The following ETV2 variants were observed in gnomAD, a reference collection of about 807,000 sequenced individuals.
The protein encoded by ETV2 is ETS variant transcription factor 2.
ETV2 carries 34 observed loss-of-function variants against 35.7 expected under a neutral mutation model. The observed-to-expected ratio is 0.95, with a 90% confidence interval of 0.72 to 1.27. The LOEUF (loss-of-function observed/expected upper bound fraction) is 1.27, where lower values mean the gene tolerates loss of function less well. Ranked by LOEUF, ETV2 falls within the 50% of genes most tolerant of loss-of-function variation. The pLI, the probability that ETV2 is intolerant of heterozygous loss-of-function variation, is 0.00. For missense variants in ETV2, 512 were observed against 470.5 expected (o/e 1.09, Z -0.82); for synonymous variants, 207 against 203.9 (o/e 1.02, Z -0.13).
Position 35,642,568 on chromosome 19 carries a change from G to A in ETV2, c.70+38G>A. 1 of 1,613,626 alleles carries A rather than the reference G, an allele frequency of 6.2e-7. No individual in the cohort carries two copies. The highest frequency in any genetic ancestry group is 1.1e-5 in the South Asian group (1 of 91,016). ...GGCTGCCACAACGTGTGTGGGGAGG[G>A]TGTCCAGGTGGGGCCTCTGCTGACC... On this transcript the variant is annotated intron_variant, in intron 2 of 6. Coordinates refer to ENST00000402764, the MANE Select transcript of ETV2 (RefSeq NM_014209.4). The surrounding 1 kb of genome is among the most constrained non-coding windows in gnomAD (Gnocchi z 4.4).
At position 35,643,624 on chromosome 19, in the gene ETV2, C is replaced by T. The variant is rs1423351114; in HGVS notation, c.586C>T (p.Pro196Ser). The T allele has an allele frequency of 5.6e-6, 9 of 1,612,704 alleles. No homozygotes were observed. The highest frequency in any genetic ancestry group is 7.6e-6 in the Non-Finnish European group (9 of 1,179,464). ...CCCGGACTGTACCACCTCCTGGAACCCGGGGCTGCATGCGGGTGGCACCAC... is the reference window on the plus strand; with the variant it reads ...CCCGGACTGTACCACCTCCTGGAACTCGGGGCTGCATGCGGGTGGCACCAC... Reference protein sequence around the residue: ...AGPDCTTSWNPGLHAGGTTSL... With the variant: ...AGPDCTTSWNSGLHAGGTTSL... The change falls in exon 5 of 7, where the codon CCG becomes TCG. Residue 196 changes from proline (P) to serine (S), a missense_variant. Coordinates refer to ENST00000402764, the MANE Select transcript of ETV2 (RefSeq NM_014209.4). The surrounding 1 kb of genome is among the most constrained non-coding windows in gnomAD (Gnocchi z 5.0).
rs796097254 is a variant in ETV2, at chr19:35,643,055, G to A, written c.235+10G>A. The A allele has an allele frequency of 7.8e-6, 12 of 1,539,596 alleles. No homozygotes were observed. Among genetic ancestry groups the A allele is most frequent in the East Asian group, 7.1e-5 (3 of 42,072 alleles). ...GTTCCATGGGGGGCGGGTGAGTGTG[G>A]GGAGAGGCGGTGGGAGGTGGGGACT... On this transcript the variant is annotated intron_variant, in intron 4 of 6. Coordinates refer to ENST00000402764, the MANE Select transcript of ETV2 (RefSeq NM_014209.4). This position sits in a 1 kb window ranked among gnomAD's most constrained non-coding sequence, Gnocchi z 5.0.
Position 35,642,479 on chromosome 19 carries a change from G to T in ETV2, c.19G>T (p.Asp7Tyr). 2 of 1,606,502 alleles carry T rather than the reference G, an allele frequency of 1.2e-6. No homozygotes were observed. The highest frequency in any genetic ancestry group is 1.7e-6 in the Non-Finnish European group (2 of 1,175,754). MDLWNW[D>Y]EASPQEVPPG... ...CGCATCCATGGACCTGTGGAACTGG[G>T]ATGAGGCATCCCCACAGGAAGTGCC... Residue 7 changes from aspartate to tyrosine, a missense_variant, in exon 2 of 7, where the codon GAT becomes TAT. Asp to Tyr is a radical substitution (Grantham distance 160, BLOSUM62 -3). Coordinates refer to ENST00000402764, the MANE Select transcript of ETV2 (RefSeq NM_014209.4). This position sits in a 1 kb window ranked among gnomAD's most constrained non-coding sequence, Gnocchi z 4.4.
Position 35,644,123 on chromosome 19 carries a change from T to G in ETV2, c.716-112T>G. The G allele has an allele frequency of 1.3e-6, 1 of 748,012 alleles. No individual in the cohort carries two copies. Among genetic ancestry groups the G allele is most frequent in the Non-Finnish European group, 2.3e-6 (1 of 427,276 alleles). 46.3% of individuals were successfully genotyped at this position (748,012 alleles called of 1,614,324 possible). A position where few individuals can be genotyped will look rare whatever the true frequency, so the allele number is the denominator to read the frequency against. On this transcript the variant is annotated intron_variant, in intron 5 of 6. Coordinates refer to ENST00000402764, the MANE Select transcript of ETV2 (RefSeq NM_014209.4). The surrounding 1 kb of genome is among the most constrained non-coding windows in gnomAD (Gnocchi z 4.7). Reference sequence around the variant, plus strand: ...TGGATCTCAGAGAAGGGGGGGCGGATCCCCTTCTCGGGTCCTGGGTCCCGA... The same window carrying G: ...TGGATCTCAGAGAAGGGGGGGCGGAGCCCCTTCTCGGGTCCTGGGTCCCGA...
rs1174156196 is a variant in ETV2, at chr19:35,643,948, A to AG, written c.715+198dup. Among the ~76,000 whole-genome samples the AG allele has an allele frequency of 6.6e-6, 1 of 152,160 alleles. No homozygotes were observed. Among genetic ancestry groups the AG allele is most frequent in the African/African-American group, 2.4e-5 (1 of 41,444 alleles). ...AGGGCTAAGAAACTGGTAGTCTTAT[A>AG]GGGACCAAGGGGATGAGGACCCAGG... On this transcript the variant is annotated intron_variant, in intron 5 of 6. Transcript: ENST00000402764. The surrounding 1 kb of genome is among the most constrained non-coding windows in gnomAD (Gnocchi z 5.0).
chr19:35,643,601 C>T lies in ETV2; in HGVS notation c.563C>T (p.Pro188Leu), dbSNP rs1256892037. ...ATTTCGTGGGGCGGGCCCGCGGGCCCGGACTGTACCACCTCCTGGAACCCG... is the reference window on the plus strand; with the variant it reads ...ATTTCGTGGGGCGGGCCCGCGGGCCTGGACTGTACCACCTCCTGGAACCCG... ...CTISWGGPAG[P>L]DCTTSWNPGL... The change falls in exon 5 of 7, where the codon CCG (proline) becomes CTG (leucine). Residue 188 changes from proline to leucine, a missense_variant. Transcript: ENST00000402764. The surrounding 1 kb of genome is among the most constrained non-coding windows in gnomAD (Gnocchi z 5.0). The T allele has an allele frequency of 1.2e-6, 2 of 1,603,816 alleles. No homozygotes were observed. Among genetic ancestry groups the T allele is most frequent in the Non-Finnish European group, 1.7e-6 (2 of 1,175,712 alleles).
In ETV2 at chr19:35,644,816, C is replaced by G; in HGVS notation, c.993C>G (p.Asp331Glu). 1 of 1,611,508 alleles carries G rather than the reference C, an allele frequency of 6.2e-7. No individual in the cohort carries two copies. Among genetic ancestry groups the G allele is most frequent in the Non-Finnish European group, 8.5e-7 (1 of 1,178,874 alleles). The change falls in exon 7 of 7, where the codon GAC becomes GAG. Residue 331 changes from aspartate to glutamate, a missense_variant. Asp to Glu is a conservative substitution (Grantham distance 45). Transcript: ENST00000402764. This position sits in a 1 kb window ranked among gnomAD's most constrained non-coding sequence, Gnocchi z 4.7. ...GCGTGCCCAGCCTAGCCTATCCGGACTGTGCGGGAGGCGGACGGGGAGCAG... is the reference window on the plus strand; with the variant it reads ...GCGTGCCCAGCCTAGCCTATCCGGAGTGTGCGGGAGGCGGACGGGGAGCAG... ...GGRVPSLAYP[D>E]CAGGGRGAET...
Position 35,643,481 on chromosome 19 carries a change from C to T in ETV2, c.443C>T (p.Ala148Val). The change falls in exon 5 of 7, where the codon GCC (alanine) becomes GTC (valine). Residue 148 changes from alanine (A) to valine (V), a missense_variant. Ala to Val is a moderately conservative substitution (Grantham distance 64). Coordinates refer to ENST00000402764, the MANE Select transcript of ETV2 (RefSeq NM_014209.4). The surrounding 1 kb of genome is among the most constrained non-coding windows in gnomAD (Gnocchi z 5.0). ...EATSWSRAQA[A>V]GSNTSWDCSV... is the part of the protein sequence containing the mutation. ...ACCTCGTGGTCGCGCGCCCAGGCCG[C>T]CGGGAGCAACACCAGCTGGGACTGT... 6.5e-7 allele frequency: 1 copy of T among 1,548,316 alleles called. No individual in the cohort carries two copies. The highest frequency in any genetic ancestry group is 8.7e-7 in the Non-Finnish European group (1 of 1,146,114).
rs534103733 is a variant in ETV2 at position 35,642,086 on chromosome 19, C to A, written c.-98C>A. 23 of 163,762 alleles carry A rather than the reference C, an allele frequency of 1.4e-4. No individual in the cohort carries two copies. Among genetic ancestry groups the A allele is most frequent in the African/African-American group, 5.5e-4 (23 of 41,762 alleles). The allele number at this position is 163,762 out of a possible 1,614,324, so 10.1% of individuals were successfully genotyped here. On this transcript the variant is annotated 5_prime_UTR_variant, in exon 1 of 7. Transcript: ENST00000402764. The surrounding 1 kb of genome is among the most constrained non-coding windows in gnomAD (Gnocchi z 4.4). Reference sequence around the variant, plus strand: ...CGGAAAATTCCCCCTTGCCCAGGCCCTTGGGGGAGGGGGTGCATGGTATGA... The same window carrying A: ...CGGAAAATTCCCCCTTGCCCAGGCCATTGGGGGAGGGGGTGCATGGTATGA...
rs1233026789 is a variant in ETV2, at chr19:35,643,804, G to A, written c.715+51G>A. The A allele has an allele frequency of 5.0e-6, 8 of 1,608,798 alleles. No homozygotes were observed. Among genetic ancestry groups the A allele is most frequent in the South Asian group, 1.1e-5 (1 of 90,836 alleles). On this transcript the variant is annotated intron_variant, in intron 5 of 6. Transcript: ENST00000402764. The surrounding 1 kb of genome is among the most constrained non-coding windows in gnomAD (Gnocchi z 5.0). ...GAGGGCGAAGCTGGAGTCCTGAGCC[G>A]GGACCCAGGCACCTAAGGGGGCGGG...
At position 35,643,538 on chromosome 19, in the gene ETV2, G is replaced by A. The variant is rs904253227; in HGVS notation, c.500G>A (p.Gly167Asp). Residue 167 changes from glycine to aspartate, a missense_variant, in exon 5 of 7, where the codon GGC (glycine) becomes GAC (aspartate). Transcript: ENST00000402764. This position sits in a 1 kb window ranked among gnomAD's most constrained non-coding sequence, Gnocchi z 5.0. Reference sequence around the variant, plus strand: ...GGGCCCGACGGCGATACCTACTGGGGCAGTGGCCTGGGCGGGGAGCCGCGC... The same window carrying A: ...GGGCCCGACGGCGATACCTACTGGGACAGTGGCCTGGGCGGGGAGCCGCGC... ...SVGPDGDTYWGSGLGGEPRTD... is the reference protein window; with the variant it reads ...SVGPDGDTYWDSGLGGEPRTD... 1 of 1,552,652 alleles carries A rather than the reference G, an allele frequency of 6.4e-7. No individual in the cohort carries two copies. Among genetic ancestry groups the A allele is most frequent in the Non-Finnish European group, 8.7e-7 (1 of 1,148,000 alleles).
Position 35,642,440 on chromosome 19 carries a change from C to A in ETV2, c.-21C>A. On this transcript the variant is annotated 5_prime_UTR_variant, in exon 2 of 7. Coordinates refer to ENST00000402764, the MANE Select transcript of ETV2 (RefSeq NM_014209.4). The surrounding 1 kb of genome is among the most constrained non-coding windows in gnomAD (Gnocchi z 4.4). ...TGGACTTTTCCCGACCCAGAACATT[C>A]AGAAGGCCTTCATCGCATCCATGGA... is the stretch of plus-strand genomic sequence containing the variant. 1 of 1,524,106 alleles carries A rather than the reference C, an allele frequency of 6.6e-7. No homozygotes were observed. The highest frequency in any genetic ancestry group is 1.2e-5 in the South Asian group (1 of 82,856). 94.4% of individuals were successfully genotyped at this position (1,524,106 alleles called of 1,614,324 possible). A position where few individuals can be genotyped will look rare whatever the true frequency, so the allele number is the denominator to read the frequency against.
In ETV2 at chr19:35,643,532, AC is replaced by A. The variant is rs1158467310; in HGVS notation, c.495del (p.Trp166GlyfsTer41). ...TCTGTGGGGCCCGACGGCGATACCT[AC>A]TGGGGCAGTGGCCTGGGCGGGGAGC... ...DCSVGPDGDT[Y>X]WGSGLGGEPR... On this transcript the variant is annotated frameshift_variant, in exon 5 of 7. Transcript: ENST00000402764. LOFTEE classifies it high-confidence loss of function. The surrounding 1 kb of genome is among the most constrained non-coding windows in gnomAD (Gnocchi z 5.0). The A allele has an allele frequency of 1.3e-5, 20 of 1,551,450 alleles. No homozygotes were observed. Among genetic ancestry groups the A allele is most frequent in the Non-Finnish European group, 1.6e-5 (18 of 1,147,454 alleles).
rs762084669 is a variant in ETV2 at position 35,643,632 on chromosome 19, G to C, written c.594G>C (p.Leu198=). ...GTACCACCTCCTGGAACCCGGGGCT[G>C]CATGCGGGTGGCACCACCTCTTTGA... The part of the protein sequence containing the change: ...PDCTTSWNPG[L]HAGGTTSLKR... Residue 198 remains leucine (L), a synonymous_variant, in exon 5 of 7, where the codon CTG becomes CTC. Transcript: ENST00000402764. The surrounding 1 kb of genome is among the most constrained non-coding windows in gnomAD (Gnocchi z 5.0). 4 of 1,613,310 alleles carry C rather than the reference G, an allele frequency of 2.5e-6. No homozygotes were observed. In the African/African-American group the frequency reaches 5.3e-5, roughly 22 times the overall value.
At position 35,643,392 on chromosome 19, in the gene ETV2, C is replaced by T. The variant is rs1967667265; in HGVS notation, c.354C>T (p.Pro118=). 6.5e-7 allele frequency: 1 copy of T among 1,549,674 alleles called. No individual in the cohort carries two copies. Among genetic ancestry groups the T allele is most frequent in the Admixed American group, 2.0e-5 (1 of 50,532 alleles). The change falls in exon 5 of 7, where the codon CCC becomes CCT. Residue 118 remains proline, a synonymous_variant. Coordinates refer to ENST00000402764, the MANE Select transcript of ETV2 (RefSeq NM_014209.4). The surrounding 1 kb of genome is among the most constrained non-coding windows in gnomAD (Gnocchi z 5.0). ...GCCCCGCCCCTCTCGGCCCGGGCCCCATCCCCGCCGCCGGCTCCGAAGGCG... is the reference window on the plus strand; with the variant it reads ...GCCCCGCCCCTCTCGGCCCGGGCCCTATCCCCGCCGCCGGCTCCGAAGGCG... The part of the protein sequence containing the change: ...TLGPAPLGPG[P]IPAAGSEGAA...
chr19:35,642,799 G>A lies in ETV2; in HGVS notation c.154+101G>A. On this transcript the variant is annotated intron_variant, in intron 3 of 6. Coordinates refer to ENST00000402764, the MANE Select transcript of ETV2 (RefSeq NM_014209.4). This position sits in a 1 kb window ranked among gnomAD's most constrained non-coding sequence, Gnocchi z 4.4. ...GGGCGTGCCTAGGTTCCTGGGACTG[G>A]GTGGGGAGGGGCCGCGTGCTTGACC... is the stretch of plus-strand genomic sequence containing the variant. 1 of 1,072,782 alleles carries A rather than the reference G, an allele frequency of 9.3e-7. No individual in the cohort carries two copies. Among genetic ancestry groups the A allele is most frequent in the Non-Finnish European group, 1.4e-6 (1 of 719,280 alleles). The allele number at this position is 1,072,782 out of a possible 1,614,324, so 66.5% of individuals were successfully genotyped here.
At position 35,644,702 on chromosome 19, in the gene ETV2, G is replaced by A; in HGVS notation, c.879G>A (p.Glu293=). 6.2e-7 allele frequency: 1 copy of A among 1,603,818 alleles called. No homozygotes were observed. The highest frequency in any genetic ancestry group is 8.5e-7 in the Non-Finnish European group (1 of 1,174,400). ...AGAGAAAGCCGGGCATGAATTACGAGAAGCTGAGCCGGGGCCTTCGCTACT... is the reference window on the plus strand; with the variant it reads ...AGAGAAAGCCGGGCATGAATTACGAAAAGCTGAGCCGGGGCCTTCGCTACT... ...ERKRKPGMNY[E]KLSRGLRYYY... is the part of the protein sequence containing the mutation. The change falls in exon 7 of 7, where the codon GAG becomes GAA. Residue 293 remains glutamate (E), a synonymous_variant. Transcript: ENST00000402764. This position sits in a 1 kb window ranked among gnomAD's most constrained non-coding sequence, Gnocchi z 4.7.
At position 35,644,833 on chromosome 19, in the gene ETV2, G is replaced by C. The variant is rs1444672365; in HGVS notation, c.1010G>C (p.Arg337Pro). The change falls in exon 7 of 7, where the codon CGG becomes CCG. Residue 337 changes from arginine to proline, a missense_variant. Transcript: ENST00000402764. This position sits in a 1 kb window ranked among gnomAD's most constrained non-coding sequence, Gnocchi z 4.7. ...TATCCGGACTGTGCGGGAGGCGGAC[G>C]GGGAGCAGAGACACAATAAAAATTC... ...LAYPDCAGGGRGAETQ is the reference protein window; with the variant it reads ...LAYPDCAGGGPGAETQ 2 of 1,605,808 alleles carry C rather than the reference G, an allele frequency of 1.2e-6. No individual in the cohort carries two copies. The highest frequency in any genetic ancestry group is 1.7e-6 in the Non-Finnish European group (2 of 1,176,392).
rs772206302 is a variant in ETV2 at position 35,642,944 on chromosome 19, C to G, written c.155-21C>G. On this transcript the variant is annotated intron_variant, in intron 3 of 6. Transcript: ENST00000402764. The surrounding 1 kb of genome is among the most constrained non-coding windows in gnomAD (Gnocchi z 4.4). ...TAGTTGAGGGGTCTCTTTCATTGCTCACAGTCCTCCCTAAACTCAGGTACA... is the reference window on the plus strand; with the variant it reads ...TAGTTGAGGGGTCTCTTTCATTGCTGACAGTCCTCCCTAAACTCAGGTACA... The G allele has an allele frequency of 5.4e-6, 8 of 1,486,634 alleles. No homozygotes were observed. Among genetic ancestry groups the G allele is most frequent in the East Asian group, 2.4e-5 (1 of 41,726 alleles). The allele number at this position is 1,486,634 out of a possible 1,614,324, so 92.1% of individuals were successfully genotyped here.
Sources: allele counts gnomAD v4.1 joint callset (sites outside exome capture counted in the v4.1 genomes callset), GRCh38; gene constraint gnomAD v4.1.1; non-coding constraint Gnocchi (gnomAD v3.1); transcripts MANE v1.5; gene names NCBI Gene and HGNC (gene_info 2026-07-23, HGNC 2026-07-21).